Variants in PALS2 observed in about 807,000 individuals in gnomAD.
The protein encoded by PALS2 is protein associated with LIN7 2, MAGUK p55 family member, also known as protein PALS2.
Under a neutral mutation model 61.6 loss-of-function variants are expected in PALS2, and 27 were observed. The ratio of observed to expected loss-of-function variants is 0.44; its 90% CI spans 0.32 to 0.60. The LOEUF (loss-of-function observed/expected upper bound fraction) is 0.60. PALS2 is among the 20% of genes least tolerant of loss of function. The pLI is 0.05. For synonymous variants in PALS2, 236 were observed against 218.6 expected, an observed-to-expected ratio of 1.08 and a Z score of -0.70; for missense variants, 554 against 639.4, an observed-to-expected ratio of 0.87 and a Z score of 1.44.
At chr7:24,636,942 T>C (rs1785267488) in intron 2 of PALS2, among the ~76,000 whole-genome samples, 1 of 152,206 alleles carries the variant, frequency 6.6e-6, no homozygotes, top group Non-Finnish European at 1.5e-5. Flanking sequence ...TTTGAAATAA[T>C]GTATGTATCT....
chr7:24,606,385 G>T (rs183733102), intron 1 of PALS2, among the ~76,000 whole-genome samples: 29 of 152,212 alleles, frequency 1.9e-4, no homozygotes, highest in Non-Finnish European at 7.4e-5. Context: ...GATTTTATAG[G>T]TGATAGGAGA....
Position 24,650,679 on chromosome 7 carries a change from AC to A in PALS2, c.620del (p.Pro207GlnfsTer14). ...ISGSVTLKIL[P>X]SYRDTITPQQ... ...GTGGAAGTGTCACCCTAAAAATCTTACCAAGTTATAGAGATACCATTACTCC... is the reference window on the plus strand; with the variant it reads ...GTGGAAGTGTCACCCTAAAAATCTTACAAGTTATAGAGATACCATTACTCC... On this transcript the variant is annotated frameshift_variant, in exon 5 of 12. Coordinates refer to ENST00000222644, the MANE Select transcript of PALS2 (RefSeq NM_001303037.2). LOFTEE classifies it high-confidence loss of function. The A allele has an allele frequency of 6.2e-7, 1 of 1,605,554 alleles. No homozygotes were observed. The highest frequency in any genetic ancestry group is 8.5e-7 in the Non-Finnish European group (1 of 1,172,796).
chr7:24,620,011 T>C (rs1353436183), intron 1 of PALS2: 3 of 152,276 alleles, frequency 2.0e-5, no homozygotes, highest in Non-Finnish European at 2.9e-5. Flanking sequence ...TTTATCGATA[T>C]CTGAATAATT....
At chr7:24,658,578 G>A (rs1786544839) in intron 5 of PALS2, among the ~76,000 whole-genome samples, 1 of 141,676 alleles carries the variant, frequency 7.1e-6, no homozygotes, top group South Asian at 2.2e-4. Context: ...TTTTTTTTGA[G>A]ACAGAGTCTC....
intron 1 of PALS2, among the ~76,000 whole-genome samples, chr7:24,607,825 AAAGAATGAGCTTCAATATGG>A (rs1329757707): frequency 6.6e-6 from 1 of 152,020 alleles, no homozygotes; most frequent in African/African-American, 2.4e-5. Flanking sequence ...GGTATCTCTA[AAAGAATGAGCTTCAATATGG>A]AAAAATCACT....
chr7:24,634,539 A>C (rs1037535644), intron 2 of PALS2, among the ~76,000 whole-genome samples: 1 of 152,040 alleles, frequency 6.6e-6, no homozygotes, highest in African/African-American at 2.4e-5. Context: ...TGAAGCACAG[A>C]AGCTTTTAAT....
In PALS2 at chr7:24,687,432, C is replaced by A. The variant is rs976847636; in HGVS notation, c.1447-6C>A. On this transcript the variant is annotated splice_region_variant and splice_polypyrimidine_tract_variant and intron_variant, in intron 11 of 11. Transcript: ENST00000222644. This position sits in a 1 kb window ranked among gnomAD's most constrained non-coding sequence, Gnocchi z 4.5. ...ACAAACATTTCCTTTTAAAACTCTT[C>A]AACAGGACTCTGACTTGAAGAAAAC... 3 of 1,604,918 alleles carry A rather than the reference C, an allele frequency of 1.9e-6. No individual in the cohort carries two copies. Among genetic ancestry groups the A allele is most frequent in the Non-Finnish European group, 2.5e-6 (3 of 1,176,954 alleles).
intron 1 of PALS2, among the ~76,000 whole-genome samples, chr7:24,601,008 T>C (rs1338591715): frequency 2.0e-5 from 3 of 152,158 alleles, no homozygotes; most frequent in Non-Finnish European, 4.4e-5. Flanking sequence ...CCAACTCTAT[T>C]TCTGTTTCTT....
At chr7:24,580,887 C>T (rs1161034366) in intron 1 of PALS2, among the ~76,000 whole-genome samples, 1 of 152,222 alleles carries the variant, frequency 6.6e-6, no homozygotes, top group Admixed American at 6.5e-5. Context: ...ATGCTCTCCA[C>T]ACATTATCTC....
At chr7:24,675,408 A>G (rs1248638079) in intron 9 of PALS2, among the ~76,000 whole-genome samples, 1 of 143,548 alleles carries the variant, frequency 7.0e-6, no homozygotes, top group Admixed American at 7.0e-5. Flanking sequence ...TTATTATTAT[A>G]CTTTTAAGTT....
intron 2 of PALS2, among the ~76,000 whole-genome samples, chr7:24,624,984 A>G (rs1165939320): frequency 1.6e-4 from 25 of 152,052 alleles, no homozygotes; most frequent in Admixed American, 1.6e-3. Context: ...AAACGAATCC[A>G]TTTGCAGATC....
At chr7:24,631,548 G>A (rs1324317203) in intron 2 of PALS2, among the ~76,000 whole-genome samples, 1 of 152,190 alleles carries the variant, frequency 6.6e-6, no homozygotes, top group Non-Finnish European at 1.5e-5. Flanking sequence ...AGGTGATAAA[G>A]CAGGAGCAGT....
intron 2 of PALS2, among the ~76,000 whole-genome samples, chr7:24,627,879 G>C (rs550309784): frequency 6.6e-5 from 10 of 152,106 alleles, no homozygotes; most frequent in African/African-American, 2.4e-4. Flanking sequence ...AGTAATAATA[G>C]CCTACCAACC....
chr7:24,582,242 A>G (rs576224393), intron 1 of PALS2, among the ~76,000 whole-genome samples: 1 of 152,346 alleles, frequency 6.6e-6, no homozygotes, highest in South Asian at 2.1e-4. Flanking sequence ...TATAACTCCC[A>G]TCATCTTGTA....
intron 11 of PALS2, among the ~76,000 whole-genome samples, chr7:24,686,936 G>C (rs961154994): frequency 1.3e-5 from 2 of 152,196 alleles, no homozygotes; most frequent in Admixed American, 1.3e-4. Flanking sequence ...GTGTTTTGGT[G>C]GAGGATGGGC....
chr7:24,612,796 T>G (rs1187412809), intron 1 of PALS2, among the ~76,000 whole-genome samples: 1 of 151,876 alleles, frequency 6.6e-6, no homozygotes, highest in Non-Finnish European at 1.5e-5. Flanking sequence ...CATCTGCATT[T>G]CTTAAAATGC....
chr7:24,660,809 A>G (rs1191657106), intron 5 of PALS2, among the ~76,000 whole-genome samples: 1 of 152,232 alleles, frequency 6.6e-6, no homozygotes, highest in Non-Finnish European at 1.5e-5. Context: ...TGTCCTCCCA[A>G]GAGGTTGAAC....
chr7:24,627,686 C>A (rs979277592), intron 2 of PALS2, among the ~76,000 whole-genome samples: 1 of 152,008 alleles, frequency 6.6e-6, no homozygotes, highest in Non-Finnish European at 1.5e-5. Context: ...AAAGGGGATA[C>A]CATCACTGAT....
intron 1 of PALS2, among the ~76,000 whole-genome samples, chr7:24,610,307 A>G (rs1390157310): frequency 6.6e-6 from 1 of 152,152 alleles, no homozygotes. Context: ...ACTGTGCTGT[A>G]TCACCTTTTT....
Sources: gnomAD v4.1 joint callset for allele counts (sites outside exome capture counted in the v4.1 genomes callset) on GRCh38, gnomAD v4.1.1 for gene constraint, Gnocchi (gnomAD v3.1) non-coding constraint, MANE v1.5 for transcripts, NCBI Gene and HGNC (gene_info 2026-07-23, HGNC 2026-07-21) for gene names.